The following PPP2R5C variants were observed in gnomAD, a reference collection of about 807,000 sequenced individuals.
PPP2R5C encodes the protein protein phosphatase 2 regulatory subunit B'gamma, also known as serine/threonine-protein phosphatase 2A 56 kDa regulatory subunit gamma isoform.
Under a neutral mutation model 68.9 loss-of-function variants are expected in PPP2R5C, and 7 were observed. That is an observed-to-expected ratio of 0.10 (90% CI 0.06 to 0.19). The LOEUF (loss-of-function observed/expected upper bound fraction) is 0.19, where lower values mean the gene tolerates loss of function less well. Among genes scored for constraint, PPP2R5C ranks in the 10% least tolerant of loss-of-function variants. PPP2R5C has a pLI of 1.00. For synonymous variants in PPP2R5C, 210 were observed against 222.2 expected (o/e 0.95, Z 0.49); for missense variants, 348 against 641.3 (o/e 0.54, Z 4.94).
intron 2 of PPP2R5C, among the ~76,000 whole-genome samples, chr14:101,776,044 G>A (rs576280738): frequency 0.012 from 510 of 43,240 alleles, 2 homozygotes; most frequent in African/African-American, 0.04. Flanking sequence ...CTCCACCCCC[G>A]CCTTCCTCCT....
chr14:101,854,645 C>T (rs930541723), intron 1 of PPP2R5C, among the ~76,000 whole-genome samples: 15 of 152,112 alleles, frequency 9.9e-5, no homozygotes, highest in African/African-American at 2.7e-4. Flanking sequence ...AACACCCCGC[C>T]GCCCCCAGGA....
chr14:101,764,038 C>CGCGCGCGCGCGCGGGT lies in PPP2R5C; in HGVS notation c.93+1068_93+1069insGCGCGCGCGCGCGGGT, dbSNP rs140548459. Among the ~76,000 whole-genome samples the CGCGCGCGCGCGCGGGT allele has an allele frequency of 2.2e-3, 339 of 152,034 alleles. 4 individuals are homozygous for CGCGCGCGCGCGCGGGT. Among genetic ancestry groups the CGCGCGCGCGCGCGGGT allele is most frequent in the East Asian group, 0.012 (63 of 5,142 alleles). On this transcript the variant is annotated intron_variant, in intron 2 of 14. Coordinates refer to the PPP2R5C transcript ENST00000328724. ...GTGTGTGTGTGTGTGTGGGCGCGCG[C>CGCGCGCGCGCGCGGGT]ACTTGCGCGTCGGCCACTTGTAAAT...
chr14:101,863,846 C>A (rs2042902705), intron 2 of PPP2R5C, among the ~76,000 whole-genome samples: 1 of 152,080 alleles, frequency 6.6e-6, no homozygotes, highest in Admixed American at 6.5e-5. Flanking sequence ...TGCAGTGAGC[C>A]AAGATCGCAC....
At chr14:101,883,042 C>T in intron 3 of PPP2R5C, 1 of 486,246 alleles carries the variant, frequency 2.1e-6, no homozygotes, top group Non-Finnish European at 3.6e-6. Context: ...GTTTAAATGC[C>T]GTTTAAGGGT....
chr14:101,822,304 C>T (rs543241739), intron 1 of PPP2R5C, among the ~76,000 whole-genome samples: 43 of 152,150 alleles, frequency 2.8e-4, no homozygotes, highest in Non-Finnish European at 8.8e-5. Flanking sequence ...ATTGGCGTTC[C>T]GATCTAATCC....
intron 9 of PPP2R5C, 50 bp downstream of exon 11, chr14:101,901,939 G>A (rs1274219911): frequency 6.3e-7 from 1 of 1,578,838 alleles, no homozygotes. Flanking sequence ...GTTCATTTGG[G>A]AAAGGAAAAG....
intron 3 of PPP2R5C, among the ~76,000 whole-genome samples, chr14:101,792,730 C>CT (rs1330094455): frequency 6.6e-6 from 1 of 152,010 alleles, no homozygotes; most frequent in African/African-American, 2.4e-5. Context: ...ATTAAGTGCC[C>CT]TTTAGGGTAG....
intron 1 of PPP2R5C, chr14:101,836,351 G>A: frequency 2.8e-6 from 2 of 702,298 alleles, no homozygotes; most frequent in East Asian, 5.4e-5. Flanking sequence ...CGACCTGCCA[G>A]CCTTCTCCCC....
At chr14:101,810,295 C>A in intron 1 of PPP2R5C, 1 of 424,264 alleles carries the variant, frequency 2.4e-6, no homozygotes, top group Non-Finnish European at 4.3e-6. Flanking sequence ...CTCCCATCCC[C>A]CTTTCAAAGC....
intron 2 of PPP2R5C, among the ~76,000 whole-genome samples, chr14:101,764,253 G>A (rs2036736438): frequency 1.3e-5 from 2 of 152,246 alleles, no homozygotes. Flanking sequence ...CTAGGGCCAA[G>A]GGTCCAGGAG....
intron 9 of PPP2R5C, 60 bp downstream of exon 11, chr14:101,901,949 G>A: frequency 1.9e-6 from 3 of 1,554,968 alleles, no homozygotes; most frequent in East Asian, 2.3e-5. Context: ...GAAAGGAAAA[G>A]TTCCATGCGT....
Position 101,835,911 on chromosome 14 carries a change from C to T in PPP2R5C, c.95-20775C>T, listed in dbSNP as rs2041062466. 6.6e-6 allele frequency among the ~76,000 whole-genome samples: 1 copy of T among 152,194 alleles called. No homozygotes were observed. Among genetic ancestry groups the T allele is most frequent in the Non-Finnish European group, 1.5e-5 (1 of 68,034 alleles). ...TCTAATGGGGATGATGGTAGCCCCT[C>T]TGTGTGTTCTTACTAGGATTAGTGG... On this transcript the variant is annotated intron_variant, in intron 1 of 13. Coordinates refer to ENST00000334743, the Ensembl canonical transcript of PPP2R5C. This position sits in a 1 kb window ranked among gnomAD's most constrained non-coding sequence, Gnocchi z 5.0.
chr14:101,892,933 C>T (rs1182851866), intron 6 of PPP2R5C, 67 bp from the exon 9 acceptor site: 26 of 1,225,862 alleles, frequency 2.1e-5, no homozygotes, highest in South Asian at 5.2e-5. Flanking sequence ...AATTGAAAGA[C>T]GGCAAGATAT....
chr14:101,925,259 A>C (rs751741865), exon 14 of PPP2R5C: 2 of 1,613,078 alleles, frequency 1.2e-6, no homozygotes, highest in African/African-American at 2.7e-5. Flanking sequence ...CTGGCCTCCC[A>C]GGACGGCCGC....
In PPP2R5C at chr14:101,818,776, C is replaced by T. The variant is rs539835846; in HGVS notation, c.94+8740C>T. ...AAATAAGTGGGGTCCCAACTATAAC[C>T]TTATATCTTATTGTTTTTAAATGTT... On this transcript the variant is annotated intron_variant, in intron 1 of 13. Coordinates refer to ENST00000334743, the Ensembl canonical transcript of PPP2R5C. The T allele has an allele frequency of 1.9e-4, 91 of 482,670 alleles. 3 individuals carry two copies. The South Asian group carries it at 1.9e-3, about 10-fold the overall frequency. 29.9% of individuals were successfully genotyped at this position (482,670 alleles called of 1,614,324 possible). A position where few individuals can be genotyped will look rare whatever the true frequency, so the allele number is the denominator to read the frequency against.
In PPP2R5C at chr14:101,797,223, T is replaced by C. The variant is rs1351835028; in HGVS notation, c.259+11040T>C. The C allele has an allele frequency of 2.2e-6, 1 of 456,014 alleles. No homozygotes were observed. The highest frequency in any genetic ancestry group is 1.5e-5 in the South Asian group (1 of 64,564). The allele number at this position is 456,014 out of a possible 1,614,324, so 28.2% of individuals were successfully genotyped here. ...TAATATCTTCCAGGTCCCCCCACAT[T>C]GTAGCACGTGCCAGACCCTCGCTCC... On this transcript the variant is annotated intron_variant, in intron 3 of 14. Coordinates refer to the PPP2R5C transcript ENST00000328724. The surrounding 1 kb of genome is among the most constrained non-coding windows in gnomAD (Gnocchi z 4.2).
intron 1 of PPP2R5C, among the ~76,000 whole-genome samples, chr14:101,828,356 C>A (rs1218922412): frequency 2.0e-5 from 3 of 151,978 alleles, no homozygotes; most frequent in Admixed American, 1.3e-4. Flanking sequence ...CACTAAATGC[C>A]CCTGAAGTGT....
Position 101,879,413 on chromosome 14 carries a change from A to G in PPP2R5C, c.295-2748A>G, listed in dbSNP as rs1364853902. On this transcript the variant is annotated intron_variant, in intron 2 of 13. Coordinates refer to ENST00000334743, the Ensembl canonical transcript of PPP2R5C. The surrounding 1 kb of genome is among the most constrained non-coding windows in gnomAD (Gnocchi z 4.2). ...GCAGCTTCCTGGGCGGCGTGGCCCTACGGCTCCTGCTCTGGCCTCTGTATC... is the reference window on the plus strand; with the variant it reads ...GCAGCTTCCTGGGCGGCGTGGCCCTGCGGCTCCTGCTCTGGCCTCTGTATC... 2 of 152,580 alleles carry G rather than the reference A, an allele frequency of 1.3e-5. No individual in the cohort carries two copies. The highest frequency in any genetic ancestry group is 2.9e-5 in the Non-Finnish European group (2 of 68,464). The allele number at this position is 152,580 out of a possible 1,614,324, so 9.5% of individuals were successfully genotyped here. A position where few individuals can be genotyped will look rare whatever the true frequency, so the allele number is the denominator to read the frequency against.
intron 2 of PPP2R5C, among the ~76,000 whole-genome samples, chr14:101,872,277 A>T (rs924880731): frequency 1.7e-5 from 2 of 120,862 alleles, no homozygotes; most frequent in African/African-American, 6.8e-5. Flanking sequence ...AGGCCAGTGT[A>T]TAGTGGTGCA....
Sources: gnomAD v4.1 joint callset for allele counts (sites outside exome capture counted in the v4.1 genomes callset) on GRCh38, gnomAD v4.1.1 for gene constraint, Gnocchi (gnomAD v3.1) non-coding constraint, MANE v1.5 for transcripts, NCBI Gene and HGNC (gene_info 2026-07-23, HGNC 2026-07-21) for gene names.